The following AEN variants were observed in gnomAD, a reference collection of about 807,000 sequenced individuals.
AEN encodes apoptosis enhancing nuclease, also known as apoptosis-enhancing nuclease.
AEN carries 21 observed loss-of-function variants against 17.7 expected under a neutral mutation model. The ratio of observed to expected loss-of-function variants is 1.19; its 90% CI spans 0.84 to 1.71. AEN has a LOEUF of 1.71. AEN is among the 40% of genes most tolerant of loss of function. AEN has a pLI of 0.00. For missense variants in AEN, 462 were observed against 435.9 expected (o/e 1.06, Z -0.53); for synonymous variants, 190 against 173.0 (o/e 1.10, Z -0.77).
At chr15:88,616,778 C>T (rs1431807401), upstream of AEN, among the ~76,000 whole-genome samples, 1 of 152,170 alleles carries the variant, frequency 6.6e-6, no homozygotes, top group African/African-American at 2.4e-5. Flanking sequence ...ATTTTCAGTA[C>T]AGTCGTGAAT....
At chr15:88,612,069 A>G in the AEN span, 19 of 357,850 alleles carry the variant, frequency 5.3e-5, no homozygotes, top group Non-Finnish European at 9.6e-5. Flanking sequence ...TTCCAGAAAC[A>G]TGGACAAACT....
rs1211523416 is a variant in AEN at position 88,626,409 on chromosome 15, C to CTTT, written c.201_203dup (p.Phe68dup). 1 of 1,612,872 alleles carries CTTT rather than the reference C, an allele frequency of 6.2e-7. No homozygotes were observed. Among genetic ancestry groups the CTTT allele is most frequent in the South Asian group, 1.1e-5 (1 of 90,986 alleles). On this transcript the variant is annotated inframe_insertion, in exon 2 of 4. Coordinates refer to ENST00000332810, the MANE Select transcript of AEN (RefSeq NM_022767.4). ...CCAGGGTCCTCCCCACTGCCCACCC[C>CTTT]TTTCGGGGCAGCGACAGCAACTGAA...
chr15:88,627,642 T>A (rs915432489), intron 2 of AEN: 2 of 152,178 alleles, frequency 1.3e-5, no homozygotes, highest in Admixed American at 6.5e-5. Flanking sequence ...AGACAGGAAG[T>A]GTGACACCAG....
At chr15:88,623,569 G>T (rs377733368) in intron 1 of AEN, among the ~76,000 whole-genome samples, 1 of 152,198 alleles carries the variant, frequency 6.6e-6, no homozygotes, top group Non-Finnish European at 1.5e-5. Context: ...CAGCTCTGAG[G>T]TAGACTGTGT....
chr15:88,607,600 A>G, the AEN span, among the ~76,000 whole-genome samples: 2 of 152,242 alleles, frequency 1.3e-5, no homozygotes, highest in African/African-American at 4.8e-5. Context: ...CTGAGATATT[A>G]CTTGACAACA....
chr15:88,621,751 G>A (rs1842562426), intron 1 of AEN: 1 of 151,626 alleles, frequency 6.6e-6, no homozygotes, highest in African/African-American at 2.4e-5. Context: ...AGTTGTTGTC[G>A]TTGTTCCGTG....
At chr15:88,608,420 T>C in the AEN span, among the ~76,000 whole-genome samples, 10 of 152,222 alleles carry the variant, frequency 6.6e-5, no homozygotes, top group Admixed American at 2.0e-4. Flanking sequence ...TTTTAGGAGA[T>C]ACTGTGATCA....
In AEN at chr15:88,625,494, G is replaced by T. The variant is rs146003050; in HGVS notation, c.-64-652G>T. 9.7e-3 allele frequency among the ~76,000 whole-genome samples: 1,471 copies of T among 152,170 alleles called. 22 individuals are homozygous for T. The highest frequency in any genetic ancestry group is 0.034 in the African/African-American group (1,399 of 41,494). On this transcript the variant is annotated intron_variant, in intron 1 of 3. Coordinates refer to ENST00000332810, the MANE Select transcript of AEN (RefSeq NM_022767.4). Reference sequence around the variant, plus strand: ...CACTTCAGCCTGGGTGACAGAGCAAGAACTTATCTCAAAATAAATAAATTA... The same window carrying T: ...CACTTCAGCCTGGGTGACAGAGCAATAACTTATCTCAAAATAAATAAATTA...
chr15:88,629,104 A>T, intron 2 of AEN, 122 bp from the exon 3 acceptor site: 1 of 967,530 alleles, frequency 1.0e-6, no homozygotes, highest in Non-Finnish European at 1.6e-6. Flanking sequence ...TGATCTCCCC[A>T]CTCGGTGCTG....
Position 88,631,057 on chromosome 15 carries a change from G to C in AEN, c.*763G>C. Reference sequence around the variant, plus strand: ...GAGGGAAGGCAGGTAAGCTTTGGACGAGAACTGGCATATTTATTTTGACCC... The same window carrying C: ...GAGGGAAGGCAGGTAAGCTTTGGACCAGAACTGGCATATTTATTTTGACCC... On this transcript the variant is annotated 3_prime_UTR_variant, in exon 4 of 4. Transcript: ENST00000332810. The C allele has an allele frequency of 2.2e-6, 1 of 450,010 alleles. No individual in the cohort carries two copies. Among genetic ancestry groups the C allele is most frequent in the South Asian group, 1.6e-5 (1 of 64,470 alleles). The allele number at this position is 450,010 out of a possible 1,614,324, so 27.9% of individuals were successfully genotyped here. A position where few individuals can be genotyped will look rare whatever the true frequency, so the allele number is the denominator to read the frequency against.
the AEN span, among the ~76,000 whole-genome samples, chr15:88,612,191 C>G: frequency 6.6e-6 from 1 of 152,138 alleles, no homozygotes; most frequent in Non-Finnish European, 1.5e-5. Flanking sequence ...ATTACTAATT[C>G]CCCCAACAAT....
the AEN span, among the ~76,000 whole-genome samples, chr15:88,608,698 G>A: frequency 6.6e-6 from 1 of 152,166 alleles, no homozygotes; most frequent in African/African-American, 2.4e-5. Flanking sequence ...ATTTTTATTT[G>A]TCTGTTTTTC....
upstream of AEN, among the ~76,000 whole-genome samples, chr15:88,620,666 C>G (rs2057775631): frequency 6.6e-6 from 1 of 151,994 alleles, no homozygotes; most frequent in African/African-American, 2.4e-5. Context: ...CCTCGGCCTC[C>G]CAAAGTGCTG....
intron 1 of AEN, 150 bp from the exon 2 acceptor site, chr15:88,625,996 A>T (rs2057846124): frequency 3.8e-6 from 2 of 529,128 alleles, no homozygotes; most frequent in South Asian, 6.1e-5. Flanking sequence ...TATTAGTGAA[A>T]TGGGTCCTCA....
upstream of AEN, among the ~76,000 whole-genome samples, chr15:88,617,244 C>T (rs975808384): frequency 2.0e-5 from 3 of 151,964 alleles, no homozygotes; most frequent in Non-Finnish European, 4.4e-5. Context: ...GCATGTGCCA[C>T]CTTGCCTAGC....
chr15:88,609,909 C>A, the AEN span, among the ~76,000 whole-genome samples: 1 of 152,174 alleles, frequency 6.6e-6, no homozygotes, highest in Non-Finnish European at 1.5e-5. Flanking sequence ...CCAGGCTGTG[C>A]GCGAGGCACT....
At chr15:88,608,064 TGG>T in the AEN span, 1 of 494,064 alleles carries the variant, frequency 2.0e-6, no homozygotes, top group South Asian at 1.5e-5. Flanking sequence ...ATTTTCTTTA[TGG>T]ACAAAGGGTC....
the AEN span, among the ~76,000 whole-genome samples, chr15:88,611,408 C>A: frequency 2.3e-5 from 3 of 129,668 alleles, no homozygotes; most frequent in South Asian, 4.8e-4. Context: ...CCAGCCTGGG[C>A]AATATACTGA....
At chr15:88,608,394 C>A in the AEN span, among the ~76,000 whole-genome samples, 1 of 152,180 alleles carries the variant, frequency 6.6e-6, no homozygotes, top group Non-Finnish European at 1.5e-5. Context: ...TGTCCTATGG[C>A]TTTTTTCCCC....
Sources: gnomAD v4.1 joint callset for allele counts (sites outside exome capture counted in the v4.1 genomes callset) on GRCh38, gnomAD v4.1.1 for gene constraint, MANE v1.5 for transcripts, NCBI Gene and HGNC (gene_info 2026-07-23, HGNC 2026-07-21) for gene names.